The following TMPRSS15 variants were observed in gnomAD, a reference collection of about 807,000 sequenced individuals.
TMPRSS15 encodes transmembrane serine protease 15, also known as enteropeptidase.
A neutral mutation model predicts 125.3 loss-of-function variants in TMPRSS15; 128 were observed. The observed-to-expected ratio is 1.02, with a 90% CI of 0.89 to 1.18. The LOEUF is 1.18. Among genes scored for constraint, TMPRSS15 ranks in the 50% most tolerant of loss-of-function variants. The pLI, the probability that TMPRSS15 is intolerant of heterozygous loss-of-function variation, is 0.00. For synonymous variants in TMPRSS15, 446 were observed against 423.2 expected (o/e 1.05, Z -0.66); for missense variants, 1,283 against 1,212.7 (o/e 1.06, Z -0.86).
chr21:18,471,390 C>A (rs1978777616), intron 1 of TMPRSS15, among the ~76,000 whole-genome samples: 1 of 151,870 alleles, frequency 6.6e-6, no homozygotes, highest in South Asian at 2.1e-4. Flanking sequence ...CTTTTTACAG[C>A]CAAATACAAG....
chr21:18,297,904 C>A, intron 18 of TMPRSS15, 75 bp from the exon 19 acceptor site: 1 of 1,150,238 alleles, frequency 8.7e-7, no homozygotes, highest in South Asian at 1.3e-5. Context: ...CTTTCAGTTC[C>A]TTAATGCTAT....
At chr21:18,338,557 C>T (rs147007830) in intron 13 of TMPRSS15, among the ~76,000 whole-genome samples, 168 of 152,216 alleles carry the variant, frequency 1.1e-3, no homozygotes, top group African/African-American at 3.9e-3. Flanking sequence ...TTAAACAATG[C>T]CCCAAATCCA....
intron 1 of TMPRSS15, among the ~76,000 whole-genome samples, chr21:18,421,912 G>A (rs919630351): frequency 6.6e-6 from 1 of 151,944 alleles, no homozygotes; most frequent in Non-Finnish European, 1.5e-5. Flanking sequence ...TACAATGACA[G>A]CTTTGGGCAT....
At chr21:18,275,911 T>G (rs2074614390) in intron 23 of TMPRSS15, among the ~76,000 whole-genome samples, 1 of 152,184 alleles carries the variant, frequency 6.6e-6, no homozygotes, top group Admixed American at 6.5e-5. Context: ...CAGAGTGTAC[T>G]TACCTGCTTT....
At chr21:18,459,222 C>T (rs904192941) in intron 1 of TMPRSS15, among the ~76,000 whole-genome samples, 3 of 151,900 alleles carry the variant, frequency 2.0e-5, no homozygotes, top group African/African-American at 7.3e-5. Context: ...AAGGGTGCAT[C>T]CATTTCTGAA....
intron 17 of TMPRSS15, among the ~76,000 whole-genome samples, chr21:18,314,884 C>T (rs1012852967): frequency 1.3e-5 from 2 of 151,944 alleles, no homozygotes; most frequent in African/African-American, 4.8e-5. Context: ...TCTCGGCTTC[C>T]TATATGGATA....
intron 21 of TMPRSS15, among the ~76,000 whole-genome samples, chr21:18,292,026 G>A (rs2074842516): frequency 6.6e-6 from 1 of 152,146 alleles, no homozygotes; most frequent in African/African-American, 2.4e-5. Context: ...TTATTGTTGA[G>A]GAAGCAGCCT....
At chr21:18,362,644 A>G (rs557262158) in intron 7 of TMPRSS15, among the ~76,000 whole-genome samples, 2 of 152,206 alleles carry the variant, frequency 1.3e-5, no homozygotes, top group Non-Finnish European at 2.9e-5. Context: ...GGATTAAATT[A>G]AATTTCTTTA....
Position 18,282,097 on chromosome 21 carries a change from C to CAA in TMPRSS15, c.2487-878_2487-877dup, listed in dbSNP as rs954911028. ...TGGGAGACAAAGCAAGACTCCGCCTCAAAAAAAAAAAAAAAAAAAAAAAAA... is the reference window on the plus strand; with the variant it reads ...TGGGAGACAAAGCAAGACTCCGCCTCAAAAAAAAAAAAAAAAAAAAAAAAAAA... On this transcript the variant is annotated intron_variant, in intron 21 of 24. Coordinates refer to ENST00000284885, the MANE Select transcript of TMPRSS15 (RefSeq NM_002772.3). Among the ~76,000 whole-genome samples the CAA allele has an allele frequency of 6.5e-3, 161 of 24,924 alleles. 7 individuals are homozygous for CAA. The highest frequency in any genetic ancestry group is 0.01 in the East Asian group (7 of 676). The allele number at this position is 24,924 out of a possible 152,430, so 16.4% of individuals were successfully genotyped here.
chr21:18,277,436 A>C (rs978716717), intron 23 of TMPRSS15, among the ~76,000 whole-genome samples: 1 of 152,350 alleles, frequency 6.6e-6, no homozygotes, highest in African/African-American at 2.4e-5. Flanking sequence ...AAGTCTGAAA[A>C]GAGAAAATAT....
At chr21:18,354,627 T>C (rs952464379) in intron 8 of TMPRSS15, among the ~76,000 whole-genome samples, 1 of 151,630 alleles carries the variant, frequency 6.6e-6, no homozygotes, top group African/African-American at 2.4e-5. Context: ...TTTAAATGTG[T>C]AAAGCTCAGA....
chr21:18,283,051 G>C (rs973518651), intron 21 of TMPRSS15, among the ~76,000 whole-genome samples: 4 of 152,170 alleles, frequency 2.6e-5, no homozygotes, highest in African/African-American at 7.2e-5. Flanking sequence ...GTGCTGTACA[G>C]GCTTGACAAG....
intron 1 of TMPRSS15, among the ~76,000 whole-genome samples, chr21:18,447,209 G>C (rs973261670): frequency 2.4e-4 from 36 of 152,048 alleles, no homozygotes; most frequent in African/African-American, 8.7e-4. Context: ...ACTTTGGGAG[G>C]CTGAGGCAGG....
At chr21:18,374,800 T>C (rs1346825943) in intron 5 of TMPRSS15, among the ~76,000 whole-genome samples, 1 of 152,124 alleles carries the variant, frequency 6.6e-6, no homozygotes, top group Non-Finnish European at 1.5e-5. Flanking sequence ...GCTAGAACTC[T>C]CACAATGGCA....
intron 16 of TMPRSS15, among the ~76,000 whole-genome samples, chr21:18,324,052 A>G (rs1007199876): frequency 2.0e-5 from 3 of 152,206 alleles, no homozygotes; most frequent in African/African-American, 7.2e-5. Context: ...TTAAAACTTC[A>G]CACAGAAAAT....
At chr21:18,323,261 G>A (rs1569007998) in intron 16 of TMPRSS15, among the ~76,000 whole-genome samples, 1 of 152,160 alleles carries the variant, frequency 6.6e-6, no homozygotes, top group South Asian at 2.1e-4. Context: ...AGACATACCT[G>A]AGACTAGGTA....
intron 6 of TMPRSS15, 130 bp from the exon 7 acceptor site, chr21:18,365,378 A>G (rs2075717070): frequency 2.6e-6 from 2 of 779,750 alleles, no homozygotes; most frequent in Admixed American, 2.0e-5. Context: ...TGATAGTAAG[A>G]TTTCATGTTT....
intron 18 of TMPRSS15, among the ~76,000 whole-genome samples, chr21:18,305,432 C>A (rs1433707390): frequency 2.0e-5 from 3 of 152,094 alleles, no homozygotes. Flanking sequence ...TCGTGATCCG[C>A]CCTTCTCGGC....
intron 1 of TMPRSS15, among the ~76,000 whole-genome samples, chr21:18,436,756 G>A (rs916689467): frequency 6.9e-6 from 1 of 145,164 alleles, no homozygotes; most frequent in Admixed American, 7.1e-5. Context: ...CCTCTTCAAG[G>A]AGAACTACAA....
Sources: allele counts gnomAD v4.1 joint callset (sites outside exome capture counted in the v4.1 genomes callset), GRCh38; gene constraint gnomAD v4.1.1; transcripts MANE v1.5; gene names NCBI Gene and HGNC (gene_info 2026-07-23, HGNC 2026-07-21).